Variants in SYT9 observed in about 807,000 individuals in gnomAD.
The protein encoded by SYT9 is synaptotagmin 9.
Under a neutral mutation model 48.4 loss-of-function variants are expected in SYT9, and 22 were observed. That is an observed-to-expected ratio of 0.45 (90% CI 0.32 to 0.65). The LOEUF (loss-of-function observed/expected upper bound fraction) is 0.65, where lower values mean the gene tolerates loss of function less well. Ranked by LOEUF, SYT9 falls within the 30% of genes least tolerant of loss-of-function variation. SYT9 has a pLI of 0.03. For synonymous variants in SYT9, 265 were observed against 245.0 expected (o/e 1.08, Z -0.76); for missense variants, 577 against 622.0 (o/e 0.93, Z 0.77).
At chr11:7,454,323 C>G in intron 6 of SYT9, 5 of 984,770 alleles carry the variant, frequency 5.1e-6, no homozygotes, top group Non-Finnish European at 6.0e-6. Flanking sequence ...ATGATGCTTA[C>G]CATTTCCGCT....
intron 1 of SYT9, among the ~76,000 whole-genome samples, chr11:7,254,962 A>G (rs1420808851): frequency 6.6e-6 from 1 of 152,154 alleles, no homozygotes; most frequent in African/African-American, 2.4e-5. Flanking sequence ...TACCGCACCC[A>G]GATTTCCCTG....
intron 6 of SYT9, among the ~76,000 whole-genome samples, chr11:7,458,172 A>T (rs1848180081): frequency 6.6e-6 from 1 of 152,218 alleles, no homozygotes; most frequent in Admixed American, 6.5e-5. Context: ...GTTATAGTGA[A>T]GGTAAATGCT....
intron 3 of SYT9, among the ~76,000 whole-genome samples, chr11:7,404,910 CAGAT>C (rs1295749471): frequency 5.9e-5 from 9 of 152,138 alleles, no homozygotes; most frequent in Admixed American, 5.9e-4. Context: ...TATAGATCGA[CAGAT>C]AGAGAATTCA....
chr11:7,311,412 A>G (rs1350279141), intron 2 of SYT9, among the ~76,000 whole-genome samples: 1 of 152,266 alleles, frequency 6.6e-6, no homozygotes, highest in African/African-American at 2.4e-5. Context: ...GCCAGTACTA[A>G]GAAAATTCAA....
At chr11:7,300,108 C>T (rs568295230) in intron 1 of SYT9, among the ~76,000 whole-genome samples, 3 of 151,966 alleles carry the variant, frequency 2.0e-5, no homozygotes, top group South Asian at 2.1e-4. Flanking sequence ...TATATGATCA[C>T]ACAAATTACC....
intron 3 of SYT9, among the ~76,000 whole-genome samples, chr11:7,348,224 A>T (rs1849838499): frequency 6.6e-6 from 1 of 152,046 alleles, no homozygotes; most frequent in African/African-American, 2.4e-5. Flanking sequence ...GCCACCTGAA[A>T]ATCTTGTGTT....
chr11:7,418,720 A>G (rs1847296706), intron 5 of SYT9, among the ~76,000 whole-genome samples: 1 of 152,248 alleles, frequency 6.6e-6, no homozygotes, highest in Non-Finnish European at 1.5e-5. Flanking sequence ...TTTTTAATTA[A>G]TACAGCACAG....
At chr11:7,417,012 C>G (rs111284243) in intron 4 of SYT9, among the ~76,000 whole-genome samples, 3,206 of 152,236 alleles carry the variant, frequency 0.021, 53 homozygotes, top group Non-Finnish European at 0.035. Context: ...AAAAAAATGC[C>G]TCTATATGCA....
intron 3 of SYT9, among the ~76,000 whole-genome samples, chr11:7,338,081 C>G (rs1013458031): frequency 6.6e-6 from 1 of 152,228 alleles, no homozygotes; most frequent in Middle Eastern, 3.4e-3. Context: ...CTTCCTGGTT[C>G]AGTCTTGGGA....
chr11:7,446,072 G>T (rs916342488), intron 6 of SYT9, among the ~76,000 whole-genome samples: 1 of 152,254 alleles, frequency 6.6e-6, no homozygotes, highest in African/African-American at 2.4e-5. Context: ...CTGGGAACCA[G>T]CCCCAGGCAC....
intron 1 of SYT9, among the ~76,000 whole-genome samples, chr11:7,244,660 T>C (rs1308547873): frequency 6.6e-6 from 1 of 152,240 alleles, no homozygotes; most frequent in Non-Finnish European, 1.5e-5. Context: ...GAACCAGTCA[T>C]GCTAATCAAA....
chr11:7,342,267 T>TTCATA (rs1373237030), intron 3 of SYT9, among the ~76,000 whole-genome samples: 1 of 152,144 alleles, frequency 6.6e-6, no homozygotes, highest in East Asian at 1.9e-4. Flanking sequence ...AACTCAAAAG[T>TTCATA]TCATAGTCCA....
rs540316103 is a variant in SYT9 at position 7,455,482 on chromosome 11, C to T, written c.1468-11310C>T. 2.7e-4 allele frequency among the ~76,000 whole-genome samples: 41 copies of T among 151,106 alleles called. No individual in the cohort carries two copies. The South Asian group carries it at 7.4e-3, about 27-fold the overall frequency. ...CCAAGTAGCTGGGACTACAGGCACC[C>T]GCCACCACGCCTGGTTAATTTTTGT... On this transcript the variant is annotated intron_variant, in intron 6 of 6. Coordinates refer to ENST00000318881, the MANE Select transcript of SYT9 (RefSeq NM_175733.4).
chr11:7,439,248 A>C (rs1308742176), intron 6 of SYT9: 1 of 152,232 alleles, frequency 6.6e-6, no homozygotes, highest in Non-Finnish European at 1.5e-5. Context: ...AAGTCACTCT[A>C]TCTGCTTCAG....
At chr11:7,278,145 C>G (rs540578452) in intron 1 of SYT9, among the ~76,000 whole-genome samples, 1 of 152,076 alleles carries the variant, frequency 6.6e-6, no homozygotes. Context: ...TGCCCTGGGT[C>G]GAGGCAGGGT....
intron 1 of SYT9, among the ~76,000 whole-genome samples, chr11:7,269,501 T>G (rs190823698): frequency 1.8e-3 from 280 of 152,218 alleles, no homozygotes; most frequent in African/African-American, 6.0e-3. Context: ...AGTCTCTAGG[T>G]AGTCTTAAGA....
chr11:7,250,153 G>C (rs1847842110), upstream of SYT9, among the ~76,000 whole-genome samples: 1 of 152,162 alleles, frequency 6.6e-6, no homozygotes, highest in South Asian at 2.1e-4. Flanking sequence ...TAGGGTGTGA[G>C]CACATATGAC....
chr11:7,463,070 G>T (rs1395437214), intron 6 of SYT9, among the ~76,000 whole-genome samples: 1 of 152,144 alleles, frequency 6.6e-6, no homozygotes, highest in Non-Finnish European at 1.5e-5. Flanking sequence ...GTTCAGATAG[G>T]ATTGTAACCA....
At position 7,468,198 on chromosome 11, in the gene SYT9, G is replaced by A. The variant is rs930265751; in HGVS notation, c.*1398G>A. ...GGATTGTAGTTTACCTTCCTGGAAAGCTCATTATCTCTGTTTGAATTAACA... is the reference window on the plus strand; with the variant it reads ...GGATTGTAGTTTACCTTCCTGGAAAACTCATTATCTCTGTTTGAATTAACA... On this transcript the variant is annotated 3_prime_UTR_variant, in exon 7 of 7. Coordinates refer to ENST00000318881, the MANE Select transcript of SYT9 (RefSeq NM_175733.4). 4 of 398,434 alleles carry A rather than the reference G, an allele frequency of 1.0e-5. No individual in the cohort carries two copies. The highest frequency in any genetic ancestry group is 4.4e-5 in the Admixed American group (1 of 22,712). The allele number at this position is 398,434 out of a possible 1,614,324, so 24.7% of individuals were successfully genotyped here.
Sources: gnomAD v4.1 joint callset for allele counts (sites outside exome capture counted in the v4.1 genomes callset) on GRCh38, gnomAD v4.1.1 for gene constraint, MANE v1.5 for transcripts, NCBI Gene and HGNC (gene_info 2026-07-23, HGNC 2026-07-21) for gene names.